UBE2E1: variants seen among roughly 807,000 people sequenced by gnomAD.
UBE2E1 encodes the protein ubiquitin conjugating enzyme E2 E1, also known as ubiquitin-conjugating enzyme E2 E1.
A neutral mutation model predicts 21.4 loss-of-function variants in UBE2E1; 6 were observed. That is an observed-to-expected ratio of 0.28 (90% CI 0.15 to 0.55). UBE2E1 has a LOEUF of 0.55. Among genes scored for constraint, UBE2E1 ranks in the 20% least tolerant of loss-of-function variants. The pLI is 0.93. For missense variants in UBE2E1, 142 were observed against 236.5 expected, an observed-to-expected ratio of 0.60 and a Z score of 2.62; for synonymous variants, 87 against 82.7, an observed-to-expected ratio of 1.05 and a Z score of -0.28.
At chr3:23,815,299 G>A (rs914498606) in intron 3 of UBE2E1, among the ~76,000 whole-genome samples, 3 of 152,134 alleles carry the variant, frequency 2.0e-5, no homozygotes, top group Admixed American at 2.0e-4. Context: ...TAGTTTTTCT[G>A]TATGTGACAG....
rs1014640429 is a variant in UBE2E1, at chr3:23,863,980, A to C, written c.204-23587A>C. 1.3e-5 allele frequency among the ~76,000 whole-genome samples: 2 copies of C among 152,164 alleles called. No homozygotes were observed. Among genetic ancestry groups the C allele is most frequent in the African/African-American group, 4.8e-5 (2 of 41,438 alleles). On this transcript the variant is annotated intron_variant, in intron 3 of 5. Coordinates refer to ENST00000306627, the MANE Select transcript of UBE2E1 (RefSeq NM_003341.5). This position sits in a 1 kb window ranked among gnomAD's most constrained non-coding sequence, Gnocchi z 4.3. ...AATTCTCTTTACTATTCTACATAGA[A>C]GTTTTGTTTCCTTTATCTTTTTCTT...
At chr3:23,883,323 T>C (rs528018322) in intron 3 of UBE2E1, among the ~76,000 whole-genome samples, 1 of 152,216 alleles carries the variant, frequency 6.6e-6, no homozygotes, top group South Asian at 2.1e-4. Context: ...GGTCAGTCAT[T>C]TTATCGAGAA....
At chr3:23,819,813 G>C (rs1013840759) in intron 3 of UBE2E1, among the ~76,000 whole-genome samples, 4 of 152,186 alleles carry the variant, frequency 2.6e-5, no homozygotes, top group African/African-American at 9.7e-5. Context: ...TCACAGAGAA[G>C]CTCTGGACGT....
rs1699513113 is a variant in UBE2E1 at position 23,816,196 on chromosome 3, T to G, written c.203+4686T>G. ...ATGACCCAGTAATTTTACTGCTATC[T>G]ATGTACCCTGAATAATTAAAAACAG... is the stretch of plus-strand genomic sequence containing the variant. On this transcript the variant is annotated intron_variant, in intron 3 of 5. Coordinates refer to ENST00000306627, the MANE Select transcript of UBE2E1 (RefSeq NM_003341.5). The surrounding 1 kb of genome is among the most constrained non-coding windows in gnomAD (Gnocchi z 4.8). Among the ~76,000 whole-genome samples, 1 of 152,210 alleles carries G rather than the reference T, an allele frequency of 6.6e-6. No individual in the cohort carries two copies. The highest frequency in any genetic ancestry group is 1.5e-5 in the Non-Finnish European group (1 of 68,034).
rs937994310 is a variant in UBE2E1 at position 23,806,214 on chromosome 3, G to C, written c.-34+126G>C. 3.4e-5 allele frequency: 5 copies of C among 147,446 alleles called. No individual in the cohort carries two copies. The highest frequency in any genetic ancestry group is 6.7e-5 in the Admixed American group (1 of 14,916). The allele number at this position is 147,446 out of a possible 1,614,324, so 9.1% of individuals were successfully genotyped here. ...GGGCCGCAGGGCACGGGGCCGGCGC[G>C]GGGGGGGAGCGGAGAGGGGCTGGGG... is the stretch of plus-strand genomic sequence containing the variant. On this transcript the variant is annotated intron_variant, in intron 1 of 5. Coordinates refer to ENST00000306627, the MANE Select transcript of UBE2E1 (RefSeq NM_003341.5). This position sits in a 1 kb window ranked among gnomAD's most constrained non-coding sequence, Gnocchi z 6.5.
chr3:23,878,972 G>A (rs1700977993), intron 3 of UBE2E1: 13 of 438,828 alleles, frequency 3.0e-5, no homozygotes, highest in South Asian at 2.3e-4. Flanking sequence ...AAAAGGTTGT[G>A]GACTGCTGCT....
chr3:23,806,502 A>C lies in UBE2E1; in HGVS notation c.-34+414A>C, dbSNP rs943725316. ...GCTCATTGTTATGTCTTCGCTGCGG[A>C]GGCCGACCCCCCCATTCCCCGCCGC... On this transcript the variant is annotated intron_variant, in intron 1 of 5. Coordinates refer to ENST00000306627, the MANE Select transcript of UBE2E1 (RefSeq NM_003341.5). The surrounding 1 kb of genome is among the most constrained non-coding windows in gnomAD (Gnocchi z 6.5). Among the ~76,000 whole-genome samples, 9 of 151,602 alleles carry C rather than the reference A, an allele frequency of 5.9e-5. No individual in the cohort carries two copies. Among genetic ancestry groups the C allele is most frequent in the African/African-American group, 1.9e-4 (8 of 41,366 alleles).
At chr3:23,841,888 A>G (rs936952465) in intron 3 of UBE2E1, among the ~76,000 whole-genome samples, 4 of 152,150 alleles carry the variant, frequency 2.6e-5, no homozygotes, top group Non-Finnish European at 5.9e-5. Flanking sequence ...GTTTGGGGGT[A>G]GATGGTTTAG....
chr3:23,873,276 A>G (rs559746242), intron 3 of UBE2E1, among the ~76,000 whole-genome samples: 1 of 152,258 alleles, frequency 6.6e-6, no homozygotes, highest in Admixed American at 6.5e-5. Flanking sequence ...TCTTGGGAGA[A>G]CTGCCTAGTT....
rs760797575 is a variant in UBE2E1 at position 23,855,005 on chromosome 3, G to A, written c.204-32562G>A. ...TGTAATTTTTTATTACTTTAGAGCC[G>A]TAATTATTTTGTGAGAGACAGTATC... On this transcript the variant is annotated intron_variant, in intron 3 of 5. Coordinates refer to ENST00000306627, the MANE Select transcript of UBE2E1 (RefSeq NM_003341.5). 5.3e-5 allele frequency among the ~76,000 whole-genome samples: 8 copies of A among 152,174 alleles called. No individual in the cohort carries two copies. In the East Asian group the frequency reaches 9.6e-4, roughly 18 times the overall value.
At chr3:23,866,135 C>T (rs1351784236) in intron 3 of UBE2E1, 2 of 152,496 alleles carry the variant, frequency 1.3e-5, no homozygotes, top group Admixed American at 6.5e-5. Context: ...AAACAGCCTT[C>T]CTCTTGTCTC....
In UBE2E1 at chr3:23,889,101, G is replaced by A. The variant is rs933194527; in HGVS notation, c.337-11G>A. ...GCTGTTTAAATATTGTCTGTCACTT[G>A]TTTTTTTTAGGTTACATTTCGGACA... On this transcript the variant is annotated splice_polypyrimidine_tract_variant and intron_variant, in intron 4 of 5. Coordinates refer to ENST00000306627, the MANE Select transcript of UBE2E1 (RefSeq NM_003341.5). 6.3e-7 allele frequency: 1 copy of A among 1,582,074 alleles called. No individual in the cohort carries two copies. Among genetic ancestry groups the A allele is most frequent in the African/African-American group, 1.4e-5 (1 of 73,350 alleles).
At chr3:23,851,408 G>A (rs1486099163) in intron 3 of UBE2E1, among the ~76,000 whole-genome samples, 1 of 152,100 alleles carries the variant, frequency 6.6e-6, no homozygotes, top group Non-Finnish European at 1.5e-5. Flanking sequence ...GGATCCGCTT[G>A]TCAATTTCTG....
At chr3:23,841,895 TTA>T (rs1347312518) in intron 3 of UBE2E1, among the ~76,000 whole-genome samples, 1 of 152,150 alleles carries the variant, frequency 6.6e-6, no homozygotes, top group Non-Finnish European at 1.5e-5. Flanking sequence ...GGTAGATGGT[TTA>T]GAGTTCTATT....
intron 3 of UBE2E1, among the ~76,000 whole-genome samples, chr3:23,822,478 C>G (rs1452565650): frequency 1.3e-5 from 2 of 151,046 alleles, no homozygotes; most frequent in Admixed American, 6.6e-5. Flanking sequence ...TTTTTCTGAT[C>G]TCCCCTCTTT....
chr3:23,855,518 A>C (rs886947685), intron 3 of UBE2E1, among the ~76,000 whole-genome samples: 8 of 152,194 alleles, frequency 5.3e-5, no homozygotes, highest in African/African-American at 1.9e-4. Context: ...GTTCCTTAAA[A>C]ATAATTGTAT....
chr3:23,815,130 G>A (rs55932805), intron 3 of UBE2E1, among the ~76,000 whole-genome samples: 19,998 of 152,022 alleles, frequency 0.13, 1,918 homozygotes, highest in African/African-American at 0.26. Context: ...ACAGGCGTTC[G>A]ACACTACACT....
In UBE2E1 at chr3:23,863,327, CAT is replaced by C. The variant is rs555964584; in HGVS notation, c.204-24239_204-24238del. 2.7e-4 allele frequency among the ~76,000 whole-genome samples: 41 copies of C among 152,178 alleles called. No homozygotes were observed. The highest frequency in any genetic ancestry group is 9.9e-4 in the African/African-American group (41 of 41,514). On this transcript the variant is annotated intron_variant, in intron 3 of 5. Coordinates refer to ENST00000306627, the MANE Select transcript of UBE2E1 (RefSeq NM_003341.5). This position sits in a 1 kb window ranked among gnomAD's most constrained non-coding sequence, Gnocchi z 4.3. Reference sequence around the variant, plus strand: ...GTTTATATTATGTGAGCATTATTCACATGTGGTTACTTTTCCTTCCTTGCTTG... The same window carrying C: ...GTTTATATTATGTGAGCATTATTCACGTGGTTACTTTTCCTTCCTTGCTTG...
At position 23,865,418 on chromosome 3, in the gene UBE2E1, A is replaced by G. The variant is rs143453680; in HGVS notation, c.204-22149A>G. Among the ~76,000 whole-genome samples, 400 of 152,258 alleles carry G rather than the reference A, an allele frequency of 2.6e-3. 4 individuals carry two copies. Among genetic ancestry groups the G allele is most frequent in the African/African-American group, 9.2e-3 (383 of 41,548 alleles). ...ACCTAGGCCGGAGTGCAGTGGTGCA[A>G]TCTCGGCTCACTGCAGCCTCAACTT... On this transcript the variant is annotated intron_variant, in intron 3 of 5. Transcript: ENST00000306627.
Sources: allele counts gnomAD v4.1 joint callset (sites outside exome capture counted in the v4.1 genomes callset), GRCh38; gene constraint gnomAD v4.1.1; non-coding constraint Gnocchi (gnomAD v3.1); transcripts MANE v1.5; gene names NCBI Gene and HGNC (gene_info 2026-07-23, HGNC 2026-07-21).